Variants in KLHL1 observed in about 807,000 individuals in gnomAD.
KLHL1 encodes kelch-like protein 1.
In KLHL1, 47 loss-of-function variants were observed where a neutral mutation model predicts 77.7. That is an observed-to-expected ratio of 0.60 (90% CI 0.48 to 0.77). KLHL1 has a LOEUF of 0.77. Ranked by LOEUF, KLHL1 falls within the 30% of genes least tolerant of loss-of-function variation. The probability of loss-of-function intolerance (pLI) is 0.00; values close to 1 mark genes in which losing one functional copy is unlikely to be tolerated. For synonymous variants in KLHL1, 360 were observed against 325.2 expected, an observed-to-expected ratio of 1.11 and a Z score of -1.15; for missense variants, 925 against 910.8, an observed-to-expected ratio of 1.02 and a Z score of -0.20.
intron 1 of KLHL1, among the ~76,000 whole-genome samples, chr13:70,066,411 G>C (rs1358360231): frequency 6.6e-6 from 1 of 152,164 alleles, no homozygotes; most frequent in African/African-American, 2.4e-5. Context: ...AAGACATGTA[G>C]AGTGCAAATA....
intron 7 of KLHL1, among the ~76,000 whole-genome samples, chr13:69,788,707 C>G (rs1876699638): frequency 6.6e-6 from 1 of 151,556 alleles, no homozygotes; most frequent in Admixed American, 6.6e-5. Context: ...TAACTCATAG[C>G]CTAGGAATCT....
intron 4 of KLHL1, among the ~76,000 whole-genome samples, chr13:69,935,202 G>GCTGGTACTGGTGAAC: frequency 2.2e-5 from 1 of 46,276 alleles, no homozygotes; most frequent in Non-Finnish European, 4.9e-5. Flanking sequence ...GTGGTACATA[G>GCTGGTACTGGTGAAC]TTGGTACTGG....
intron 4 of KLHL1, among the ~76,000 whole-genome samples, chr13:69,930,478 A>G (rs1882965678): frequency 6.6e-6 from 1 of 151,920 alleles, no homozygotes; most frequent in South Asian, 2.1e-4. Flanking sequence ...CAAGTTTTCA[A>G]TATTTTATGA....
At chr13:69,905,375 G>A (rs1446018709) in intron 4 of KLHL1, among the ~76,000 whole-genome samples, 1 of 151,978 alleles carries the variant, frequency 6.6e-6, no homozygotes, top group African/African-American at 2.4e-5. Context: ...AACTTGGGGT[G>A]TTCTTTCTTC....
chr13:70,009,662 C>A lies in KLHL1; in HGVS notation c.498-33860G>T, dbSNP rs533019865. On this transcript the variant is annotated intron_variant, in intron 1 of 10. Transcript: ENST00000377844. ...AAAGGATATGTAAATGTGGTCAAGA[C>A]AACCTGTCTCCATGTGAGCTTCAAT... Among the ~76,000 whole-genome samples, 13 of 152,242 alleles carry A rather than the reference C, an allele frequency of 8.5e-5. No homozygotes were observed. The East Asian group carries it at 2.5e-3, about 29-fold the overall frequency.
intron 4 of KLHL1, among the ~76,000 whole-genome samples, chr13:69,925,630 G>A (rs1468042821): frequency 6.6e-6 from 1 of 151,822 alleles, no homozygotes; most frequent in African/African-American, 2.4e-5. Context: ...ATATTAATTT[G>A]CAGAAGACTG....
intron 1 of KLHL1, among the ~76,000 whole-genome samples, chr13:70,091,303 C>T (rs1887667804): frequency 6.6e-6 from 1 of 151,850 alleles, no homozygotes; most frequent in Non-Finnish European, 1.5e-5. Flanking sequence ...TCTTCCCTTC[C>T]TCCAACTCTT....
intron 7 of KLHL1, among the ~76,000 whole-genome samples, chr13:69,768,984 C>A (rs1429657803): frequency 6.6e-6 from 1 of 152,120 alleles, no homozygotes; most frequent in African/African-American, 2.4e-5. Context: ...TTTAGGAATT[C>A]ATGGAAAGTT....
chr13:69,723,510 A>C (rs1170867859), intron 8 of KLHL1, among the ~76,000 whole-genome samples: 1 of 152,148 alleles, frequency 6.6e-6, no homozygotes, highest in African/African-American at 2.4e-5. Context: ...TCACTGGTAC[A>C]TTCTCACTGT....
chr13:70,003,628 T>C (rs1014234910), intron 1 of KLHL1, among the ~76,000 whole-genome samples: 2 of 151,818 alleles, frequency 1.3e-5, no homozygotes, highest in South Asian at 2.1e-4. Context: ...CAAATGCATT[T>C]ATCATTGAAA....
At chr13:69,947,988 T>A (rs1344733217) in intron 3 of KLHL1, among the ~76,000 whole-genome samples, 1 of 152,124 alleles carries the variant, frequency 6.6e-6, no homozygotes, top group Non-Finnish European at 1.5e-5. Context: ...ATGTTTTTAG[T>A]TAGATGCCAT....
At chr13:69,721,159 C>T (rs1182770998) in intron 8 of KLHL1, among the ~76,000 whole-genome samples, 1 of 126,134 alleles carries the variant, frequency 7.9e-6, no homozygotes, top group Non-Finnish European at 1.7e-5. Flanking sequence ...CCTCTGCTCA[C>T]GGAGATAAGT....
rs1279497517 is a variant in KLHL1, at chr13:69,700,612, C to T, written c.*1090G>A. On this transcript the variant is annotated 3_prime_UTR_variant, in exon 11 of 11. Coordinates refer to ENST00000377844, the MANE Select transcript of KLHL1 (RefSeq NM_020866.3). ...CACTGATAAATGCAAATTTTTTGATCATTTATTAATTGTAATTAAAATTTA... is the reference window on the plus strand; with the variant it reads ...CACTGATAAATGCAAATTTTTTGATTATTTATTAATTGTAATTAAAATTTA... 1 of 152,158 alleles carries T rather than the reference C, an allele frequency of 6.6e-6. No individual in the cohort carries two copies. The highest frequency in any genetic ancestry group is 1.5e-5 in the Non-Finnish European group (1 of 67,838). 9.4% of individuals were successfully genotyped at this position (152,158 alleles called of 1,614,324 possible).
chr13:70,034,223 A>G (rs1423427684), intron 1 of KLHL1, among the ~76,000 whole-genome samples: 1 of 152,208 alleles, frequency 6.6e-6, no homozygotes, highest in Non-Finnish European at 1.5e-5. Flanking sequence ...TATTATTGCT[A>G]TCTCATTGAA....
At chr13:69,817,854 T>C (rs1878181423) in intron 6 of KLHL1, among the ~76,000 whole-genome samples, 1 of 152,230 alleles carries the variant, frequency 6.6e-6, no homozygotes, top group East Asian at 1.9e-4. Flanking sequence ...ATGAATTTTT[T>C]ATTCAGTCTG....
chr13:70,076,170 G>T (rs1887263238), intron 1 of KLHL1, among the ~76,000 whole-genome samples: 1 of 151,820 alleles, frequency 6.6e-6, no homozygotes, highest in East Asian at 1.9e-4. Flanking sequence ...ATACACAGAA[G>T]ATTCAATGCA....
chr13:69,862,157 T>A (rs1373356044), intron 5 of KLHL1, among the ~76,000 whole-genome samples: 1 of 152,010 alleles, frequency 6.6e-6, no homozygotes, highest in Non-Finnish European at 1.5e-5. Flanking sequence ...ATAAAGATTT[T>A]GAACAAACTT....
At chr13:69,887,924 G>A (rs1045241624) in intron 4 of KLHL1, among the ~76,000 whole-genome samples, 6 of 151,928 alleles carry the variant, frequency 3.9e-5, no homozygotes, top group African/African-American at 1.5e-4. Flanking sequence ...ACATTTTTTG[G>A]GATTTGTTAT....
chr13:69,954,631 C>T (rs915760882), intron 3 of KLHL1, among the ~76,000 whole-genome samples: 4 of 151,250 alleles, frequency 2.6e-5, no homozygotes, highest in African/African-American at 9.7e-5. Flanking sequence ...AGTCACCTAG[C>T]TATTTCTTTT....
Sources: allele counts gnomAD v4.1 joint callset (sites outside exome capture counted in the v4.1 genomes callset), GRCh38; gene constraint gnomAD v4.1.1; transcripts MANE v1.5; gene names NCBI Gene and HGNC (gene_info 2026-07-23, HGNC 2026-07-21).